The following CTNNA3 variants were observed in gnomAD, a reference collection of about 807,000 sequenced individuals.
CTNNA3 encodes catenin alpha 3.
In CTNNA3, 76 loss-of-function variants were observed where a neutral mutation model predicts 95.7. The ratio of observed to expected loss-of-function variants is 0.79; its 90% confidence interval spans 0.66 to 0.96. CTNNA3 has a LOEUF of 0.96. Ranked by LOEUF, CTNNA3 falls within the 40% of genes least tolerant of loss-of-function variation. The probability of loss-of-function intolerance (pLI) is 0.00; values close to 1 mark genes in which losing one functional copy is unlikely to be tolerated. For synonymous variants in CTNNA3, 431 were observed against 374.4 expected (o/e 1.15, Z -1.74); for missense variants, 1,191 against 1,089.8 (o/e 1.09, Z -1.31).
chr10:65,967,155 A>G (rs1191208512), intron 16 of CTNNA3, among the ~76,000 whole-genome samples: 1 of 145,780 alleles, frequency 6.9e-6, no homozygotes, highest in Non-Finnish European at 1.5e-5. Context: ...ACAGGGTTTC[A>G]CCGTGTTATC....
At chr10:66,738,528 T>C (rs979227034) in intron 9 of CTNNA3, among the ~76,000 whole-genome samples, 1 of 152,178 alleles carries the variant, frequency 6.6e-6, no homozygotes, top group Non-Finnish European at 1.5e-5. Flanking sequence ...CTAGAAAAAA[T>C]ATGTTTCTAA....
chr10:67,689,391 G>C (rs779514167), intron 1 of CTNNA3, among the ~76,000 whole-genome samples: 35 of 152,174 alleles, frequency 2.3e-4, no homozygotes, highest in Middle Eastern at 3.4e-3. Context: ...GGTGAGCCCG[G>C]GTGCCTAAAG....
intron 11 of CTNNA3, among the ~76,000 whole-genome samples, chr10:66,380,910 T>A (rs1363582483): frequency 6.6e-6 from 1 of 151,004 alleles, no homozygotes; most frequent in Non-Finnish European, 1.5e-5. Flanking sequence ...AAGCAAGTCC[T>A]TAGAGACCTA....
chr10:66,220,706 G>T (rs886454588), intron 13 of CTNNA3, among the ~76,000 whole-genome samples: 1 of 152,120 alleles, frequency 6.6e-6, no homozygotes, highest in South Asian at 2.1e-4. Context: ...GGAAAGGGAG[G>T]GGAGTGGGAA....
chr10:66,083,563 A>C (rs1439431275), intron 14 of CTNNA3, among the ~76,000 whole-genome samples: 1 of 152,178 alleles, frequency 6.6e-6, no homozygotes, highest in Non-Finnish European at 1.5e-5. Context: ...TATATATAAA[A>C]ATATTAGACA....
chr10:66,708,066 A>G (rs556157800), intron 9 of CTNNA3, among the ~76,000 whole-genome samples: 2 of 152,232 alleles, frequency 1.3e-5, no homozygotes, highest in South Asian at 2.1e-4. Flanking sequence ...GTACAAATAA[A>G]CTTTATAGAA....
Position 67,097,708 on chromosome 10 carries a change from C to T in CTNNA3, c.1047+82609G>A, listed in dbSNP as rs761729350. Reference sequence around the variant, plus strand: ...TTTGAAACGAATGCACAGGAAGATACGATGGAAACACACCTAGAGACTGAG... The same window carrying T: ...TTTGAAACGAATGCACAGGAAGATATGATGGAAACACACCTAGAGACTGAG... On this transcript the variant is annotated intron_variant, in intron 7 of 17. Transcript: ENST00000433211. 2.9e-5 allele frequency: 47 copies of T among 1,612,514 alleles called. No individual in the cohort carries two copies. Among genetic ancestry groups the T allele is most frequent in the Admixed American group, 6.7e-5 (4 of 59,820 alleles).
At chr10:67,576,604 G>A (rs1589444411) in intron 3 of CTNNA3, among the ~76,000 whole-genome samples, 2 of 148,888 alleles carry the variant, frequency 1.3e-5, no homozygotes, top group African/African-American at 5.0e-5. Context: ...TGCACAATGT[G>A]CAAGTTAGTT....
chr10:67,293,501 CCTT>C (rs1018475180), intron 5 of CTNNA3, among the ~76,000 whole-genome samples: 7 of 152,184 alleles, frequency 4.6e-5, no homozygotes, highest in East Asian at 3.9e-4. Context: ...ATTTTCTCCT[CCTT>C]CTAAATTACA....
At chr10:67,751,794 T>C (rs1201602350) in intron 1 of CTNNA3, among the ~76,000 whole-genome samples, 1 of 127,080 alleles carries the variant, frequency 7.9e-6, no homozygotes, top group Admixed American at 8.4e-5. Context: ...AATAGACTAA[T>C]AACAAGTTCT....
intron 7 of CTNNA3, among the ~76,000 whole-genome samples, chr10:66,875,871 A>G (rs1189644861): frequency 6.6e-6 from 1 of 152,154 alleles, no homozygotes; most frequent in Non-Finnish European, 1.5e-5. Flanking sequence ...TTAAAGCATA[A>G]GAGCACATTC....
At chr10:67,541,090 C>G (rs1378838439) in intron 3 of CTNNA3, among the ~76,000 whole-genome samples, 1 of 151,714 alleles carries the variant, frequency 6.6e-6, no homozygotes, top group African/African-American at 2.4e-5. Flanking sequence ...CAACTTTTTC[C>G]TATTTTATAT....
intron 13 of CTNNA3, among the ~76,000 whole-genome samples, chr10:66,263,335 T>C (rs1481421233): frequency 1.3e-5 from 2 of 151,896 alleles, no homozygotes; most frequent in East Asian, 3.9e-4. Flanking sequence ...CAAGAAAATA[T>C]AACATATTTC....
intron 5 of CTNNA3, among the ~76,000 whole-genome samples, chr10:67,395,971 T>C (rs935417010): frequency 6.6e-6 from 1 of 152,188 alleles, no homozygotes; most frequent in Non-Finnish European, 1.5e-5. Flanking sequence ...TTTTTTAGTA[T>C]TATTAACAGT....
intron 11 of CTNNA3, among the ~76,000 whole-genome samples, chr10:66,472,036 G>A (rs1839153902): frequency 6.6e-6 from 1 of 151,950 alleles, no homozygotes; most frequent in Admixed American, 6.6e-5. Flanking sequence ...CAAAACAGCA[G>A]ATTGTTTTGT....
At chr10:66,754,765 T>A (rs1291083634) in intron 9 of CTNNA3, among the ~76,000 whole-genome samples, 1 of 152,088 alleles carries the variant, frequency 6.6e-6, no homozygotes, top group African/African-American at 2.4e-5. Flanking sequence ...AAAAGCCACT[T>A]CACCCCCACG....
At chr10:67,328,724 T>C (rs1330048260) in intron 5 of CTNNA3, among the ~76,000 whole-genome samples, 2 of 152,226 alleles carry the variant, frequency 1.3e-5, no homozygotes, top group Non-Finnish European at 2.9e-5. Flanking sequence ...CCTCTGTCCA[T>C]TCTTAGTGCC....
intron 13 of CTNNA3, among the ~76,000 whole-genome samples, chr10:66,265,435 C>T (rs2091124009): frequency 6.6e-6 from 1 of 151,926 alleles, no homozygotes; most frequent in Non-Finnish European, 1.5e-5. Context: ...CATGCCCCTC[C>T]CCTGTTAAAG....
chr10:66,674,511 C>A (rs967940045), intron 9 of CTNNA3, among the ~76,000 whole-genome samples: 2 of 151,798 alleles, frequency 1.3e-5, no homozygotes, highest in African/African-American at 2.4e-5. Flanking sequence ...GTGCAATAAT[C>A]TTCAGTAATA....
Sources: gnomAD v4.1 joint callset for allele counts (sites outside exome capture counted in the v4.1 genomes callset) on GRCh38, gnomAD v4.1.1 for gene constraint, MANE v1.5 for transcripts, NCBI Gene and HGNC (gene_info 2026-07-23, HGNC 2026-07-21) for gene names.